The following PTBP3 variants were observed in gnomAD, a reference collection of about 807,000 sequenced individuals.
The protein encoded by PTBP3 is polypyrimidine tract-binding protein 3.
Under a neutral mutation model 58.7 loss-of-function variants are expected in PTBP3, and 20 were observed. That is an observed-to-expected ratio of 0.34 (90% confidence interval 0.24 to 0.50). The LOEUF is 0.50. Among genes scored for constraint, PTBP3 ranks in the 20% least tolerant of loss-of-function variants. PTBP3 has a pLI of 0.98. For missense variants in PTBP3, 509 were observed against 637.2 expected (o/e 0.80, Z 2.17); for synonymous variants, 185 against 219.8 (o/e 0.84, Z 1.40).
Position 112,262,445 on chromosome 9 carries a change from A to G in PTBP3, c.506T>C (p.Val169Ala). 6.3e-7 allele frequency: 1 copy of G among 1,597,566 alleles called. No homozygotes were observed. Among genetic ancestry groups the G allele is most frequent in the African/African-American group, 1.4e-5 (1 of 74,052 alleles). ...TTTATTCCTCCTTACCTGATGAAGAACTTCCAGGGTAACAGGGTAAAAGAG... is the reference window on the plus strand; with the variant it reads ...TTTATTCCTCCTTACCTGATGAAGAGCTTCCAGGGTAACAGGGTAAAAGAG... ...ENLFYPVTLE[V>A]LHQIFSKFGT... The change falls in exon 5 of 14, where the codon GTT (valine) becomes GCT (alanine). Residue 169 changes from valine to alanine, a missense_variant. By Grantham distance (64) the Val-to-Ala change is moderately conservative. This residue lies in a region of PTBP3 where 212 missense variants were observed against 215.3 expected (regional missense o/e 0.98). Coordinates refer to ENST00000374257, the MANE Select transcript of PTBP3 (RefSeq NM_001163788.4).
rs1828762986 is a variant in PTBP3 at position 112,297,923 on chromosome 9, A to G, written c.-51-7T>C. The G allele has an allele frequency of 1.2e-6, 2 of 1,606,066 alleles. No homozygotes were observed. The highest frequency in any genetic ancestry group is 1.1e-5 in the South Asian group (1 of 89,356). ...GAAGCTCATCAGATCCCCGCTGAAA[A>G]GCAAAACCAATGTTTGGTTAATAAA... On this transcript the variant is annotated splice_region_variant and splice_polypyrimidine_tract_variant and intron_variant, in intron 1 of 13. Transcript: ENST00000374257.
At chr9:112,309,872 C>T (rs532399106) in intron 1 of PTBP3, among the ~76,000 whole-genome samples, 2 of 152,010 alleles carry the variant, frequency 1.3e-5, no homozygotes, top group South Asian at 4.1e-4. Flanking sequence ...CATTGCGTGG[C>T]ACTACCTGAA....
the PTBP3 span, among the ~76,000 whole-genome samples, chr9:112,343,026 T>C: frequency 1.3e-5 from 2 of 152,052 alleles, no homozygotes; most frequent in African/African-American, 4.8e-5. Flanking sequence ...CACCATTGGC[T>C]GATAAAAAAG....
At chr9:112,374,827 G>A in the PTBP3 span, among the ~76,000 whole-genome samples, 1 of 152,208 alleles carries the variant, frequency 6.6e-6, no homozygotes, top group Non-Finnish European at 1.5e-5. Flanking sequence ...GTCTATTCCA[G>A]TGAGGACAAA....
At chr9:112,335,663 C>T (rs1304803657), upstream of PTBP3, among the ~76,000 whole-genome samples, 5 of 137,250 alleles carry the variant, frequency 3.6e-5, no homozygotes, top group Admixed American at 3.6e-4. Context: ...TGGCTCACAC[C>T]TGTAATCCCA....
chr9:112,365,303 A>G, the PTBP3 span, among the ~76,000 whole-genome samples: 1 of 151,956 alleles, frequency 6.6e-6, no homozygotes, highest in Non-Finnish European at 1.5e-5. Flanking sequence ...CATAATTCCC[A>G]TGTGTTGTGG....
At chr9:112,268,982 G>A (rs1246641368) in intron 3 of PTBP3, among the ~76,000 whole-genome samples, 1 of 151,956 alleles carries the variant, frequency 6.6e-6, no homozygotes, top group Non-Finnish European at 1.5e-5. Flanking sequence ...GATCACCCGA[G>A]GTCAGGAGTT....
chr9:112,332,905 G>A (rs1308661768), intron 1 of PTBP3: 1 of 1,582,862 alleles, frequency 6.3e-7, no homozygotes, highest in Non-Finnish European at 8.6e-7. Context: ...GCACAAGTCG[G>A]GAGACCTCGG....
intron 7 of PTBP3, among the ~76,000 whole-genome samples, chr9:112,236,249 A>G (rs1835433541): frequency 6.6e-6 from 1 of 152,190 alleles, no homozygotes. Flanking sequence ...GAGAATTGAC[A>G]CTGAGATTCA....
chr9:112,246,624 C>T (rs1048385563), intron 7 of PTBP3, among the ~76,000 whole-genome samples: 27 of 147,132 alleles, frequency 1.8e-4, no homozygotes, highest in African/African-American at 6.0e-4. Flanking sequence ...ACCCGGGAGG[C>T]GGAGCTAGCA....
chr9:112,244,693 A>T (rs79406919), intron 7 of PTBP3, among the ~76,000 whole-genome samples: 1,935 of 152,192 alleles, frequency 0.013, 32 homozygotes, highest in African/African-American at 0.035. Context: ...ATAAAAAAAT[A>T]AAAAAAGTCC....
At position 112,261,390 on chromosome 9, in the gene PTBP3, A is replaced by G. The variant is rs150419607; in HGVS notation, c.516+1045T>C. Among the ~76,000 whole-genome samples, 347 of 152,354 alleles carry G rather than the reference A, an allele frequency of 2.3e-3. 2 individuals are homozygous for G. The highest frequency in any genetic ancestry group is 8.0e-3 in the African/African-American group (332 of 41,580). On this transcript the variant is annotated intron_variant, in intron 5 of 13. Transcript: ENST00000374257. ...TGTCTGAGCTCTATCGCCAATTGGT[A>G]TAAGGACTGTGGGAAAGTAAACGAA...
chr9:112,279,262 T>C (rs1827755663), intron 2 of PTBP3, among the ~76,000 whole-genome samples: 1 of 152,202 alleles, frequency 6.6e-6, no homozygotes, highest in Non-Finnish European at 1.5e-5. Context: ...TCAAAAATCT[T>C]AATACAAAAA....
At chr9:112,373,208 T>C in the PTBP3 span, among the ~76,000 whole-genome samples, 1,781 of 152,176 alleles carry the variant, frequency 0.012, 36 homozygotes, top group African/African-American at 0.041. Context: ...CATGAGTTTA[T>C]TAAGTATTAA....
chr9:112,343,376 T>A, the PTBP3 span, among the ~76,000 whole-genome samples: 114 of 151,084 alleles, frequency 7.5e-4, no homozygotes, highest in Non-Finnish European at 1.3e-3. Flanking sequence ...ACCCGGCTAA[T>A]TTTTGTATTT....
chr9:112,274,262 A>C (rs569472888), intron 3 of PTBP3, among the ~76,000 whole-genome samples: 1 of 152,238 alleles, frequency 6.6e-6, no homozygotes, highest in Admixed American at 6.5e-5. Context: ...AGACATCATC[A>C]TCCAACCTCT....
chr9:112,244,093 A>G (rs1030338781), intron 7 of PTBP3, among the ~76,000 whole-genome samples: 14 of 151,778 alleles, frequency 9.2e-5, no homozygotes, highest in Non-Finnish European at 1.8e-4. Context: ...CGAGGTCAGG[A>G]GATCAAGACC....
chr9:112,307,869 G>A (rs1039933891), intron 1 of PTBP3, among the ~76,000 whole-genome samples: 8 of 152,186 alleles, frequency 5.3e-5, no homozygotes, highest in Admixed American at 3.3e-4. Flanking sequence ...CAGCCCATGG[G>A]CCACATGCGG....
the PTBP3 span, among the ~76,000 whole-genome samples, chr9:112,374,944 C>A: frequency 6.6e-6 from 1 of 152,210 alleles, no homozygotes; most frequent in Non-Finnish European, 1.5e-5. Flanking sequence ...CAGTGTTGGT[C>A]TCTGCTGCTG....
Sources: allele counts gnomAD v4.1 joint callset (sites outside exome capture counted in the v4.1 genomes callset), GRCh38; gene constraint gnomAD v4.1.1; regional missense constraint gnomAD v4.1.1; transcripts MANE v1.5; gene names NCBI Gene and HGNC (gene_info 2026-07-23, HGNC 2026-07-21).